Variants in MYH10 observed in about 807,000 individuals in gnomAD.
MYH10 encodes myosin-10.
Under a neutral mutation model 257.8 loss-of-function variants are expected in MYH10, and 55 were observed. The ratio of observed to expected loss-of-function variants is 0.21; its 90% CI spans 0.17 to 0.27. The LOEUF (loss-of-function observed/expected upper bound fraction) is 0.27. MYH10 is among the 10% of genes least tolerant of loss of function. The pLI is 1.00. For synonymous variants in MYH10, 854 were observed against 921.7 expected (o/e 0.93, Z 1.33); for missense variants, 1,631 against 2,500.6 (o/e 0.65, Z 7.42).
intron 26 of MYH10, among the ~76,000 whole-genome samples, chr17:8,507,877 C>A (rs1452088592): frequency 6.6e-6 from 1 of 152,006 alleles, no homozygotes. Context: ...GAGGCTGAGG[C>A]AAGAGAATTG....
chr17:8,610,770 C>T (rs562952648), intron 2 of MYH10, among the ~76,000 whole-genome samples: 2 of 152,360 alleles, frequency 1.3e-5, no homozygotes, highest in South Asian at 4.1e-4. Context: ...TGACCTTGGA[C>T]TTCCCAGCCT....
At chr17:8,573,942 A>G (rs1485461566) in intron 6 of MYH10, 2 of 372,736 alleles carry the variant, frequency 5.4e-6, no homozygotes, top group East Asian at 1.7e-4. Flanking sequence ...GAACTCTCAC[A>G]TGTTCCTGGT....
intron 30 of MYH10, among the ~76,000 whole-genome samples, chr17:8,497,323 G>A (rs1231413832): frequency 3.3e-5 from 5 of 152,090 alleles, no homozygotes; most frequent in Admixed American, 2.0e-4. Flanking sequence ...AGGACTCATC[G>A]ACTATATTGT....
chr17:8,534,387 C>A (rs762376371), intron 16 of MYH10, among the ~76,000 whole-genome samples: 4 of 152,182 alleles, frequency 2.6e-5, no homozygotes, highest in African/African-American at 4.8e-5. Flanking sequence ...TGCATCCCCC[C>A]CTGCAGCTCC....
chr17:8,505,026 T>G lies in MYH10; in HGVS notation c.3387-120A>C, dbSNP rs958346917. On this transcript the variant is annotated intron_variant, in intron 27 of 42. Transcript: ENST00000360416. Reference sequence around the variant, plus strand: ...GACCCCAGCCCCACATCCCTCCTCCTGGGGCCTGAGGCTGGTGCAGATGCT... The same window carrying G: ...GACCCCAGCCCCACATCCCTCCTCCGGGGGCCTGAGGCTGGTGCAGATGCT... The G allele has an allele frequency of 3.7e-6, 3 of 813,760 alleles. No homozygotes were observed. The African/African-American group carries it at 5.1e-5, about 14-fold the overall frequency. 50.4% of individuals were successfully genotyped at this position (813,760 alleles called of 1,614,324 possible).
Position 8,478,377 on chromosome 17 carries a change from A to G in MYH10, c.5667T>C (p.Val1889=), listed in dbSNP as rs2151764599. 2 of 1,614,128 alleles carry G rather than the reference A, an allele frequency of 1.2e-6. No individual in the cohort carries two copies. The highest frequency in any genetic ancestry group is 1.7e-6 in the Non-Finnish European group (2 of 1,180,008). ...GGTCCGCGTGTCGACGCTCATCCTCAACCTGCATGAAGATTTCTTTCAGCT... is the reference window on the plus strand; with the variant it reads ...GGTCCGCGTGTCGACGCTCATCCTCGACCTGCATGAAGATTTCTTTCAGCT... ...EKKLKEIFMQ[V]EDERRHADQY... The change falls in exon 41 of 43, where the codon GTT becomes GTC. Residue 1889 remains valine (V), a synonymous_variant. Coordinates refer to ENST00000360416, the MANE Select transcript of MYH10 (RefSeq NM_001256012.3).
At chr17:8,517,553 T>A (rs1419022666) in intron 21 of MYH10, among the ~76,000 whole-genome samples, 2 of 152,218 alleles carry the variant, frequency 1.3e-5, no homozygotes, top group Non-Finnish European at 2.9e-5. Context: ...TCCAAATCAG[T>A]TCTAAGTCCT....
rs540951857 is a variant in MYH10, at chr17:8,594,105, A to C, written c.503-4997T>G. ...AGTGCTAGAACAATTGAATATCCAT[A>C]AGCAAAAAGATGACTCGCAACCCAT... On this transcript the variant is annotated intron_variant, in intron 3 of 42. Coordinates refer to ENST00000360416, the MANE Select transcript of MYH10 (RefSeq NM_001256012.3). 1.7e-3 allele frequency among the ~76,000 whole-genome samples: 257 copies of C among 152,336 alleles called. 3 individuals are homozygous for C. The highest frequency in any genetic ancestry group is 5.9e-3 in the African/African-American group (245 of 41,582).
intron 3 of MYH10, among the ~76,000 whole-genome samples, chr17:8,589,616 C>A (rs1389529764): frequency 2.0e-5 from 3 of 151,928 alleles, no homozygotes; most frequent in African/African-American, 7.3e-5. Flanking sequence ...CTAATGTCAT[C>A]TTAAAGGAGG....
intron 14 of MYH10, among the ~76,000 whole-genome samples, chr17:8,540,827 C>T (rs2082271723): frequency 6.6e-6 from 1 of 152,142 alleles, no homozygotes; most frequent in Admixed American, 6.5e-5. Flanking sequence ...CTTTAGGCAA[C>T]AAAGCAGTGA....
chr17:8,493,905 G>GGCAACACTTCCATT lies in MYH10; in HGVS notation c.4057-34_4057-21dup, dbSNP rs760052906. On this transcript the variant is annotated intron_variant, in intron 31 of 42. Transcript: ENST00000360416. ...AAGCTCCTGTGTTTTTTTTTTAAAG[G>GGCAACACTTCCATT]GCAACACTTCCATTACATTTATCAC... 1 of 1,587,732 alleles carries GGCAACACTTCCATT rather than the reference G, an allele frequency of 6.3e-7. No individual in the cohort carries two copies. The highest frequency in any genetic ancestry group is 1.4e-5 in the African/African-American group (1 of 73,146).
Position 8,542,269 on chromosome 17 carries a change from A to T in MYH10, c.1443T>A (p.Phe481Leu). Residue 481 changes from phenylalanine (F) to leucine (L), a missense_variant, in exon 14 of 43, where the codon TTT becomes TTA. Coordinates refer to ENST00000360416, the MANE Select transcript of MYH10 (RefSeq NM_001256012.3). ...AGFEIFELNS[F>L]EQLCINYTNE... ...TGGTGTAGTTGATGCAAAGTTGTTC[A>T]AAGGAGTTCAGCTACAAATGTCAAA... 6.2e-7 allele frequency: 1 copy of T among 1,613,204 alleles called. No homozygotes were observed. The highest frequency in any genetic ancestry group is 8.5e-7 in the Non-Finnish European group (1 of 1,179,688).
intron 3 of MYH10, among the ~76,000 whole-genome samples, chr17:8,601,635 T>TA (rs2084601084): frequency 6.6e-6 from 1 of 152,346 alleles, no homozygotes; most frequent in African/African-American, 2.4e-5. Context: ...TCTACTGCTC[T>TA]AGTTTCCAAT....
intron 3 of MYH10, among the ~76,000 whole-genome samples, chr17:8,598,586 G>A (rs2084475117): frequency 6.6e-6 from 1 of 152,130 alleles, no homozygotes; most frequent in African/African-American, 2.4e-5. Flanking sequence ...CTATTTTGCT[G>A]AATACAAACT....
chr17:8,484,027 A>T, intron 37 of MYH10, 111 bp downstream of exon 37: 1 of 1,045,776 alleles, frequency 9.6e-7, no homozygotes, highest in Non-Finnish European at 1.4e-6. Context: ...AAAAAACAAA[A>T]ATGTATACTG....
intron 14 of MYH10, among the ~76,000 whole-genome samples, chr17:8,540,844 G>A (rs947936495): frequency 1.3e-5 from 2 of 152,188 alleles, no homozygotes; most frequent in Admixed American, 6.5e-5. Context: ...GTGATGAAAT[G>A]TAATGAAGTG....
intron 1 of MYH10, among the ~76,000 whole-genome samples, chr17:8,627,559 T>C (rs2085731229): frequency 6.6e-6 from 1 of 152,240 alleles, no homozygotes; most frequent in Admixed American, 6.5e-5. Context: ...TTCATATTAT[T>C]GTTTACCTGA....
Position 8,499,491 on chromosome 17 carries a change from G to A in MYH10, c.3745-15C>T, listed in dbSNP as rs766304764. 4 of 1,612,786 alleles carry A rather than the reference G, an allele frequency of 2.5e-6. No homozygotes were observed. Among genetic ancestry groups the A allele is most frequent in the Non-Finnish European group, 2.5e-6 (3 of 1,178,904 alleles). On this transcript the variant is annotated splice_polypyrimidine_tract_variant and intron_variant, in intron 29 of 42. Transcript: ENST00000360416. ...TTTGCTTTGAACTAGGAGACGGAAG[G>A]GAAAACATAATTCACTAGTTATTTT...
intron 4 of MYH10, among the ~76,000 whole-genome samples, chr17:8,578,705 A>C (rs1230358997): frequency 6.6e-6 from 1 of 152,184 alleles, no homozygotes; most frequent in Non-Finnish European, 1.5e-5. Flanking sequence ...AAATTCAGAC[A>C]AGCTGCTACA....
Sources: allele counts gnomAD v4.1 joint callset (sites outside exome capture counted in the v4.1 genomes callset), GRCh38; gene constraint gnomAD v4.1.1; transcripts MANE v1.5; gene names NCBI Gene and HGNC (gene_info 2026-07-23, HGNC 2026-07-21).